Variants in SIKE1 observed in about 807,000 individuals in gnomAD.
The protein encoded by SIKE1 is suppressor of IKK epsilon.
SIKE1 carries 13 observed loss-of-function variants against 25.8 expected under a neutral mutation model. The observed-to-expected ratio is 0.50, with a 90% CI of 0.33 to 0.80. The LOEUF (loss-of-function observed/expected upper bound fraction) is 0.80, where lower values mean the gene tolerates loss of function less well. SIKE1 is among the 30% of genes least tolerant of loss of function. The probability of loss-of-function intolerance (pLI) is 0.02; values close to 1 mark genes in which losing one functional copy is unlikely to be tolerated. For synonymous variants in SIKE1, 86 were observed against 95.5 expected, an observed-to-expected ratio of 0.90 and a Z score of 0.58; for missense variants, 222 against 252.4, an observed-to-expected ratio of 0.88 and a Z score of 0.82.
At chr1:114,776,272 G>A (rs1006943801) in intron 4 of SIKE1, 74 bp downstream of exon 4, 3 of 876,648 alleles carry the variant, frequency 3.4e-6, no homozygotes, top group Non-Finnish European at 5.8e-6. Context: ...TTACAGTGAT[G>A]GGATAGTGAT....
intron 3 of SIKE1, among the ~76,000 whole-genome samples, chr1:114,777,221 T>C (rs1264265690): frequency 6.6e-6 from 1 of 152,124 alleles, no homozygotes; most frequent in African/African-American, 2.4e-5. Flanking sequence ...CTGCACGTTT[T>C]GCACATGTAC....
In SIKE1 at chr1:114,775,072, G is replaced by A. The variant is rs759088407; in HGVS notation, c.523-700C>T. Among the ~76,000 whole-genome samples the A allele has an allele frequency of 4.6e-5, 7 of 152,260 alleles. No homozygotes were observed. In the East Asian group the frequency reaches 5.8e-4, roughly 13 times the overall value. ...CCCACATTTCCTTAGGGCTGTTTCC[G>A]TAAGTGAGGTAAATCGGGGATAAAT... On this transcript the variant is annotated intron_variant, in intron 4 of 4. Transcript: ENST00000060969.
rs1662117361 is a variant in SIKE1, at chr1:114,773,227, G to GT, written c.*1043dup. The GT allele has an allele frequency of 6.6e-6, 1 of 151,628 alleles. No individual in the cohort carries two copies. Among genetic ancestry groups the GT allele is most frequent in the African/African-American group, 2.4e-5 (1 of 41,258 alleles). 9.4% of individuals were successfully genotyped at this position (151,628 alleles called of 1,614,324 possible). A position where few individuals can be genotyped will look rare whatever the true frequency, so the allele number is the denominator to read the frequency against. ...ATGTTGCCTACACAGCATTATGAGT[G>GT]TAATAATTTTCATTAGGTAACAAAA... On this transcript the variant is annotated 3_prime_UTR_variant, in exon 5 of 5. Coordinates refer to ENST00000060969, the MANE Select transcript of SIKE1 (RefSeq NM_025073.3).
At chr1:114,774,887 G>A (rs1662169147) in intron 4 of SIKE1, among the ~76,000 whole-genome samples, 1 of 152,100 alleles carries the variant, frequency 6.6e-6, no homozygotes, top group East Asian at 1.9e-4. Context: ...AATCTGTAGG[G>A]TAGGTATCAT....
At position 114,773,808 on chromosome 1, in the gene SIKE1, C is replaced by T. The variant is rs1012494518; in HGVS notation, c.*463G>A. On this transcript the variant is annotated 3_prime_UTR_variant, in exon 5 of 5. Transcript: ENST00000060969. The stretch of plus-strand genomic sequence containing the variant: ...ATTACAAATCAGAGAATCTGCTGAT[C>T]TAGTTCTGTGGAATTGTATTATTTT... The T allele has an allele frequency of 5.9e-5, 9 of 152,614 alleles. No individual in the cohort carries two copies. The highest frequency in any genetic ancestry group is 3.3e-4 in the Admixed American group (5 of 15,272). The allele number at this position is 152,614 out of a possible 1,614,324, so 9.5% of individuals were successfully genotyped here.
chr1:114,780,337 C>T (rs1662367376), intron 1 of SIKE1, 112 bp downstream of exon 1: 13 of 1,593,414 alleles, frequency 8.2e-6, no homozygotes, highest in Non-Finnish European at 1.1e-5. Context: ...ATGGTCTCAC[C>T]GCCGCCCTCT....
Position 114,771,371 on chromosome 1 carries a change from C to T in SIKE1, c.*2900G>A, listed in dbSNP as rs1570983027. On this transcript the variant is annotated 3_prime_UTR_variant, in exon 5 of 5. Coordinates refer to ENST00000060969, the MANE Select transcript of SIKE1 (RefSeq NM_025073.3). ...TTTTGCTAATCAAGAACCACTTGAA[C>T]TCCCAACAGTATTTGGCATTTAGGC... The T allele has an allele frequency of 6.6e-6, 1 of 152,270 alleles. No individual in the cohort carries two copies. The highest frequency in any genetic ancestry group is 1.9e-4 in the East Asian group (1 of 5,186). 9.4% of individuals were successfully genotyped at this position (152,270 alleles called of 1,614,324 possible).
rs957282236 is a variant in SIKE1, at chr1:114,773,944, T to A, written c.*327A>T. On this transcript the variant is annotated 3_prime_UTR_variant, in exon 5 of 5. Transcript: ENST00000060969. Reference sequence around the variant, plus strand: ...TACAATGCTATGTAAAATAAATTGCTGGCTTATAAAAAATGCTCAAAGTTT... The same window carrying A: ...TACAATGCTATGTAAAATAAATTGCAGGCTTATAAAAAATGCTCAAAGTTT... 8.1e-5 allele frequency: 15 copies of A among 184,840 alleles called. No individual in the cohort carries two copies. Among genetic ancestry groups the A allele is most frequent in the African/African-American group, 3.5e-4 (15 of 42,650 alleles). 11.4% of individuals were successfully genotyped at this position (184,840 alleles called of 1,614,324 possible).
rs147277389 is a variant in SIKE1 at position 114,779,226 on chromosome 1, A to G, written c.324T>C (p.Tyr108=). Residue 108 remains tyrosine, a synonymous_variant, in exon 3 of 5, where the codon TAT becomes TAC. Coordinates refer to ENST00000060969, the MANE Select transcript of SIKE1 (RefSeq NM_025073.3). ...CCATTAACTGTAACATCTGTTTCCG[A>G]TATTTGCTCATGATAAGTTCCAAAG... ...QDALELIMSK[Y]RKQMLQLMVA... 8.0e-5 allele frequency: 129 copies of G among 1,614,218 alleles called. 1 individual carries two copies. In the African/African-American group the frequency reaches 1.7e-3, roughly 21 times the overall value.
chr1:114,771,387 G>A lies in SIKE1; in HGVS notation c.*2884C>T, dbSNP rs144396057. 6.6e-6 allele frequency: 1 copy of A among 152,102 alleles called. No individual in the cohort carries two copies. The highest frequency in any genetic ancestry group is 1.5e-5 in the Non-Finnish European group (1 of 68,020). The allele number at this position is 152,102 out of a possible 1,614,324, so 9.4% of individuals were successfully genotyped here. On this transcript the variant is annotated 3_prime_UTR_variant, in exon 5 of 5. Coordinates refer to ENST00000060969, the MANE Select transcript of SIKE1 (RefSeq NM_025073.3). ...CCACTTGAACTCCCAACAGTATTTG[G>A]CATTTAGGCATCTCAAGTTAGTTAG...
chr1:114,773,798 A>C lies in SIKE1; in HGVS notation c.*473T>G, dbSNP rs1258959781. On this transcript the variant is annotated 3_prime_UTR_variant, in exon 5 of 5. Transcript: ENST00000060969. ...GGTGAATGACATTACAAATCAGAGA[A>C]TCTGCTGATCTAGTTCTGTGGAATT... 6.5e-6 allele frequency: 1 copy of C among 152,716 alleles called. No homozygotes were observed. Among genetic ancestry groups the C allele is most frequent in the Admixed American group, 6.5e-5 (1 of 15,288 alleles). The allele number at this position is 152,716 out of a possible 1,614,324, so 9.5% of individuals were successfully genotyped here.
rs1662019055 is a variant in SIKE1, at chr1:114,769,867, T to G, written c.*4404A>C. ...TGATGAGTTATTATGCTTGATAATT[T>G]ATTTGCATTCCCCATTTACCCTTTT... On this transcript the variant is annotated 3_prime_UTR_variant, in exon 5 of 5. Coordinates refer to ENST00000060969, the MANE Select transcript of SIKE1 (RefSeq NM_025073.3). 6.6e-6 allele frequency: 1 copy of G among 152,220 alleles called. No homozygotes were observed. The highest frequency in any genetic ancestry group is 1.5e-5 in the Non-Finnish European group (1 of 68,046). 9.4% of individuals were successfully genotyped at this position (152,220 alleles called of 1,614,324 possible). A position where few individuals can be genotyped will look rare whatever the true frequency, so the allele number is the denominator to read the frequency against.
intron 3 of SIKE1, 106 bp downstream of exon 3, chr1:114,779,036 G>A: frequency 7.2e-7 from 1 of 1,380,416 alleles, no homozygotes; most frequent in Non-Finnish European, 1.0e-6. Flanking sequence ...CGGCCTGGTC[G>A]ACAAGAGCCA....
chr1:114,779,206 A>G lies in SIKE1; in HGVS notation c.344T>C (p.Leu115Ser). ...ATCCACCGCTTTTTTAGCAACCATT[A>G]ACTGTAACATCTGTTTCCGATATTT... ...MSKYRKQMLQ[L>S]MVAKKAVDAE... Residue 115 changes from leucine (L) to serine (S), a missense_variant, in exon 3 of 5, where the codon TTA becomes TCA. Physicochemically the swap from Leu to Ser is moderately radical, Grantham distance 145. Transcript: ENST00000060969. 2 of 1,614,216 alleles carry G rather than the reference A, an allele frequency of 1.2e-6. No individual in the cohort carries two copies. The highest frequency in any genetic ancestry group is 1.7e-6 in the Non-Finnish European group (2 of 1,180,034).
Position 114,780,631 on chromosome 1 carries a change from T to A in SIKE1, c.-24A>T. On this transcript the variant is annotated 5_prime_UTR_variant, in exon 1 of 5. Transcript: ENST00000060969. ...ATAGCAGCAGCACCACCCCAGCCCC[T>A]GCCGGGCTCAGCTACGCGACTCGCT... is the stretch of plus-strand genomic sequence containing the variant. The A allele has an allele frequency of 6.3e-7, 1 of 1,581,572 alleles. No homozygotes were observed. The highest frequency in any genetic ancestry group is 8.6e-7 in the Non-Finnish European group (1 of 1,158,756).
intron 3 of SIKE1, 156 bp downstream of exon 3, chr1:114,778,986 G>C: frequency 1.2e-6 from 1 of 809,292 alleles, no homozygotes; most frequent in Middle Eastern, 3.6e-4. Context: ...GAGCCCAGGA[G>C]GCAGAGGTTG....
At position 114,773,645 on chromosome 1, in the gene SIKE1, A is replaced by C. The variant is rs1322161067; in HGVS notation, c.*626T>G. ...TATGACAACTATAGCATCACTGGGCAAAAAAAATAGCTGACTTATTTCCAA... is the reference window on the plus strand; with the variant it reads ...TATGACAACTATAGCATCACTGGGCCAAAAAAATAGCTGACTTATTTCCAA... On this transcript the variant is annotated 3_prime_UTR_variant, in exon 5 of 5. Coordinates refer to ENST00000060969, the MANE Select transcript of SIKE1 (RefSeq NM_025073.3). 6.6e-6 allele frequency: 1 copy of C among 151,980 alleles called. No homozygotes were observed. Among genetic ancestry groups the C allele is most frequent in the East Asian group, 2.0e-4 (1 of 5,064 alleles). The allele number at this position is 151,980 out of a possible 1,614,324, so 9.4% of individuals were successfully genotyped here. A position where few individuals can be genotyped will look rare whatever the true frequency, so the allele number is the denominator to read the frequency against.
At chr1:114,776,912 T>C (rs1278895853) in intron 3 of SIKE1, among the ~76,000 whole-genome samples, 4 of 152,206 alleles carry the variant, frequency 2.6e-5, no homozygotes, top group Admixed American at 6.5e-5. Flanking sequence ...CATGGAATAC[T>C]ATGCAGCCAT....
At chr1:114,775,623 C>T (rs1323946000) in intron 4 of SIKE1, among the ~76,000 whole-genome samples, 1 of 151,570 alleles carries the variant, frequency 6.6e-6, no homozygotes, top group African/African-American at 2.4e-5. Context: ...CCTCACACCT[C>T]AGCCTCTGAG....
Sources: gnomAD v4.1 joint callset for allele counts (sites outside exome capture counted in the v4.1 genomes callset) on GRCh38, gnomAD v4.1.1 for gene constraint, MANE v1.5 for transcripts, NCBI Gene and HGNC (gene_info 2026-07-23, HGNC 2026-07-21) for gene names.